The following XPNPEP2 variants were observed in gnomAD, a reference collection of about 807,000 sequenced individuals.
XPNPEP2 encodes X-prolyl aminopeptidase 2.
Under a neutral mutation model 59.8 loss-of-function variants are expected in XPNPEP2, and 64 were observed. The ratio of observed to expected loss-of-function variants is 1.07; its 90% CI spans 0.87 to 1.32. The LOEUF (loss-of-function observed/expected upper bound fraction) is 1.32. Among genes scored for constraint, XPNPEP2 ranks in the 40% most tolerant of loss-of-function variants. The pLI is 0.00. For synonymous variants in XPNPEP2, 235 were observed against 210.0 expected, an observed-to-expected ratio of 1.12 and a Z score of -1.03; for missense variants, 575 against 546.8, an observed-to-expected ratio of 1.05 and a Z score of -0.51.
intron 11 of XPNPEP2, among the ~76,000 whole-genome samples, chrX:129,753,503 C>T (rs745964955): frequency 4.5e-5 from 5 of 110,953 alleles, no homozygotes; most frequent in African/African-American, 1.3e-4. Context: ...ATTAGCCAGG[C>T]GTGGTGGCGA....
intron 3 of XPNPEP2, 133 bp downstream of exon 3, chrX:129,744,204 T>G: frequency 1.8e-6 from 1 of 559,015 alleles, no homozygotes; most frequent in Admixed American, 3.3e-5. Context: ...GTAGAGAGCA[T>G]GGACACGGTA....
rs147247390 is a variant in XPNPEP2 at position 129,742,585 on chromosome X, G to T, written c.123+404G>T. 9.0e-5 allele frequency among the ~76,000 whole-genome samples: 10 copies of T among 111,315 alleles called. No homozygotes were observed. The East Asian group carries it at 2.6e-3, about 29-fold the overall frequency. On this transcript the variant is annotated intron_variant, in intron 2 of 20. Transcript: ENST00000371106. ...GCAAAAAGAGAAGCACAGAAGGGAA[G>T]AGGGAGGAAGACAGAGGTTAGAAGA... is the stretch of plus-strand genomic sequence containing the variant.
rs762095990 is a variant in XPNPEP2 at position 129,754,579 on chromosome X, A to C, written c.1215A>C (p.Arg405=). The C allele has an allele frequency of 1.0e-5, 12 of 1,176,702 alleles. No individual in the cohort carries two copies. The East Asian group carries it at 3.4e-4, about 34-fold the overall frequency. Residue 405 remains arginine (R), a splice_region_variant and synonymous_variant, in exon 12 of 21, where the codon CGA becomes CGC. Transcript: ENST00000371106. The stretch of plus-strand genomic sequence containing the variant: ...GGGCAGAGATCGTGGACAAGTTCCG[A>C]GGGTGAAGAGCCACGGCCGTCCTTT... ...FSGAEIVDKF[R]GEEQFSSGPS...
rs762212384 is a variant in XPNPEP2, at chrX:129,756,541, T to TG, written c.1359dup (p.Gln454AlafsTer35). 1.7e-6 allele frequency: 2 copies of TG among 1,211,284 alleles called. No individual in the cohort carries two copies. Among genetic ancestry groups the TG allele is most frequent in the Non-Finnish European group, 2.2e-6 (2 of 895,190 alleles). On this transcript the variant is annotated frameshift_variant, in exon 14 of 21. Coordinates refer to ENST00000371106, the MANE Select transcript of XPNPEP2 (RefSeq NM_003399.6). LOFTEE classifies it high-confidence loss of function. ...CAGATGAGATGTACCTGCTGGACTCTGGGGGGCAGTACTGGTATGTACCCC... is the reference window on the plus strand; with the variant it reads ...CAGATGAGATGTACCTGCTGGACTCTGGGGGGGCAGTACTGGTATGTACCCC...
Position 129,759,255 on chromosome X carries a change from A to G in XPNPEP2, c.1428+15A>G. The stretch of plus-strand genomic sequence containing the variant: ...CCTTCCAGAAGGTAAGCATGGGCCC[A>G]GATTTCCCCTCACCACCTTCCCCCA... On this transcript the variant is annotated intron_variant, in intron 15 of 20. Coordinates refer to ENST00000371106, the MANE Select transcript of XPNPEP2 (RefSeq NM_003399.6). The G allele has an allele frequency of 3.3e-6, 4 of 1,211,405 alleles. No homozygotes were observed. Among genetic ancestry groups the G allele is most frequent in the Non-Finnish European group, 4.5e-6 (4 of 895,043 alleles).
At chrX:129,744,515 G>C (rs1926258088) in intron 3 of XPNPEP2, among the ~76,000 whole-genome samples, 1 of 111,620 alleles carries the variant, frequency 9.0e-6, no homozygotes, top group Admixed American at 9.4e-5. Flanking sequence ...TGGTTGTGGA[G>C]GGGGGCACCC....
chrX:129,748,297 G>A (rs1339953579), intron 7 of XPNPEP2, among the ~76,000 whole-genome samples: 2 of 112,132 alleles, frequency 1.8e-5, no homozygotes, highest in African/African-American at 6.5e-5. Context: ...AATCAGGAAG[G>A]TTAGAAAAAT....
chrX:129,757,915 GAAAGA>G (rs1569477273), intron 14 of XPNPEP2, among the ~76,000 whole-genome samples: 7 of 95,782 alleles, frequency 7.3e-5, no homozygotes, highest in Non-Finnish European at 8.8e-5. Context: ...AAGAAAGAAA[GAAAGA>G]AAGAAAGAAA....
chrX:129,766,043 C>T (rs1602914599), intron 19 of XPNPEP2, among the ~76,000 whole-genome samples: 1 of 111,659 alleles, frequency 9.0e-6, no homozygotes, highest in East Asian at 2.8e-4. Context: ...TTATTTTTTC[C>T]TGTTTTGCCT....
chrX:129,766,512 C>CT (rs1199540070), intron 19 of XPNPEP2, among the ~76,000 whole-genome samples: 196 of 102,844 alleles, frequency 1.9e-3, no homozygotes, highest in East Asian at 4.2e-3. Context: ...CACCTGGCCT[C>CT]TTTTTTTTTT....
chrX:129,750,232 G>C (rs190558022), intron 7 of XPNPEP2, among the ~76,000 whole-genome samples: 1 of 112,784 alleles, frequency 8.9e-6, no homozygotes, highest in East Asian at 2.8e-4. Context: ...ACACAGAGGG[G>C]TTAGGTAATT....
chrX:129,746,818 C>T (rs1926307998), intron 6 of XPNPEP2, 137 bp downstream of exon 6: 1 of 557,307 alleles, frequency 1.8e-6, no homozygotes, highest in African/African-American at 2.3e-5. Flanking sequence ...ATTGTAGTTG[C>T]AGAATGTTTT....
chrX:129,742,150 A>G lies in XPNPEP2; in HGVS notation c.92A>G (p.Gln31Arg). The G allele has an allele frequency of 8.3e-7, 1 of 1,209,464 alleles. No individual in the cohort carries two copies. Among genetic ancestry groups the G allele is most frequent in the Non-Finnish European group, 1.1e-6 (1 of 894,257 alleles). The stretch of plus-strand genomic sequence containing the variant: ...ACAAAGCCAGTGGACCTTGGAGGGC[A>G]GGATGTGAGAAACTGTTCCACCAAC... The part of the protein sequence containing the change: ...GHTKPVDLGG[Q>R]DVRNCSTNPP... The change falls in exon 2 of 21, where the codon CAG becomes CGG. Residue 31 changes from glutamine to arginine, a missense_variant. Coordinates refer to ENST00000371106, the MANE Select transcript of XPNPEP2 (RefSeq NM_003399.6).
intron 8 of XPNPEP2, among the ~76,000 whole-genome samples, 200 bp downstream of exon 8, chrX:129,750,769 T>G (rs1480137571): frequency 8.9e-6 from 1 of 112,020 alleles, no homozygotes; most frequent in Admixed American, 9.4e-5. Context: ...GGACAAAAGG[T>G]AGCCCTGAGC....
At chrX:129,764,995 G>A (rs1208572918) in intron 19 of XPNPEP2, among the ~76,000 whole-genome samples, 2 of 111,189 alleles carry the variant, frequency 1.8e-5, no homozygotes, top group Non-Finnish European at 3.8e-5. Context: ...AAAGAAAAGA[G>A]AAGGGAAAAA....
At chrX:129,747,945 C>A in intron 7 of XPNPEP2, 192 bp downstream of exon 7, 1 of 543,335 alleles carries the variant, frequency 1.8e-6, no homozygotes, top group Non-Finnish European at 3.1e-6. Context: ...GAGTCTGAAT[C>A]AAAATGTCCT....
intron 19 of XPNPEP2, among the ~76,000 whole-genome samples, chrX:129,764,365 G>A (rs1184635016): frequency 9.0e-6 from 1 of 110,732 alleles, no homozygotes. Context: ...CATCCTTAAA[G>A]AAATACAAGA....
At position 129,746,316 on chromosome X, in the gene XPNPEP2, T is replaced by C; in HGVS notation, c.379T>C (p.Cys127Arg). 1 of 1,210,694 alleles carries C rather than the reference T, an allele frequency of 8.3e-7. No homozygotes were observed. The highest frequency in any genetic ancestry group is 1.1e-6 in the Non-Finnish European group (1 of 895,331). The part of the protein sequence containing the change: ...YWTQAERQMD[C>R]NWELHKEVGT... ...GACTCAGGCTGAGCGGCAGATGGAC[T>C]GCAACTGGGAGCTCCATAAGGAAGG... The change falls in exon 5 of 21, where the codon TGC becomes CGC. Residue 127 changes from cysteine (C) to arginine (R), a missense_variant. Cys to Arg is a radical substitution (Grantham distance 180). Coordinates refer to ENST00000371106, the MANE Select transcript of XPNPEP2 (RefSeq NM_003399.6).
At chrX:129,753,687 T>C (rs1926464387) in intron 11 of XPNPEP2, among the ~76,000 whole-genome samples, 1 of 111,019 alleles carries the variant, frequency 9.0e-6, no homozygotes, top group Non-Finnish European at 1.9e-5. Flanking sequence ...ACCAAATTAT[T>C]CCTGGGCGCC....
Sources: allele counts gnomAD v4.1 joint callset (sites outside exome capture counted in the v4.1 genomes callset), GRCh38; gene constraint gnomAD v4.1.1; transcripts MANE v1.5; gene names NCBI Gene and HGNC (gene_info 2026-07-23, HGNC 2026-07-21).